The following GNA14 variants were observed in gnomAD, a reference collection of about 807,000 sequenced individuals.
GNA14 encodes G protein subunit alpha 14.
GNA14 carries 50 observed loss-of-function variants against 42.0 expected under a neutral mutation model. That is an observed-to-expected ratio of 1.19 (90% CI 0.95 to 1.51). GNA14 has a LOEUF of 1.51. Ranked by LOEUF, GNA14 falls within the 40% of genes most tolerant of loss-of-function variation. The pLI is 0.00. For missense variants in GNA14, 473 were observed against 446.2 expected (o/e 1.06, Z -0.54); for synonymous variants, 173 against 163.1 (o/e 1.06, Z -0.46).
intron 2 of GNA14, among the ~76,000 whole-genome samples, chr9:77,479,332 T>C (rs1836498130): frequency 6.6e-6 from 1 of 152,224 alleles, no homozygotes; most frequent in Non-Finnish European, 1.5e-5. Flanking sequence ...CAGATGGTTG[T>C]AGATATGCGG....
At chr9:77,575,829 G>A (rs897804416) in intron 1 of GNA14, among the ~76,000 whole-genome samples, 4 of 152,198 alleles carry the variant, frequency 2.6e-5, no homozygotes, top group Non-Finnish European at 5.9e-5. Flanking sequence ...GGCTGAACTT[G>A]GGGATATTTG....
At chr9:77,533,370 G>A (rs1837555540) in intron 1 of GNA14, among the ~76,000 whole-genome samples, 1 of 152,306 alleles carries the variant, frequency 6.6e-6, no homozygotes, top group South Asian at 2.1e-4. Context: ...AGTAGAGACA[G>A]GGTTTCGCCA....
chr9:77,580,283 C>T (rs930557504), intron 1 of GNA14: 4 of 311,202 alleles, frequency 1.3e-5, no homozygotes, highest in African/African-American at 4.3e-5. Context: ...CTGAATCCAG[C>T]TTCATTCAAC....
At chr9:77,454,286 C>A (rs78867597) in intron 2 of GNA14, among the ~76,000 whole-genome samples, 2,561 of 152,326 alleles carry the variant, frequency 0.017, 43 homozygotes, top group Middle Eastern at 0.037. Flanking sequence ...AGATTCTACC[C>A]CTAAACTTGT....
intron 1 of GNA14, among the ~76,000 whole-genome samples, chr9:77,606,501 G>A (rs1379050689): frequency 6.6e-6 from 1 of 152,082 alleles, no homozygotes; most frequent in Non-Finnish European, 1.5e-5. Context: ...GGAAGTGAAT[G>A]GCCATTATCA....
intron 2 of GNA14, among the ~76,000 whole-genome samples, chr9:77,455,402 A>G (rs1004222654): frequency 9.9e-5 from 15 of 152,200 alleles, no homozygotes; most frequent in African/African-American, 2.9e-4. Context: ...ACTTCATTAC[A>G]TCGGGACTTC....
At chr9:77,520,007 T>C (rs1837326066) in intron 2 of GNA14, among the ~76,000 whole-genome samples, 1 of 151,942 alleles carries the variant, frequency 6.6e-6, no homozygotes, top group South Asian at 2.1e-4. Context: ...AGACTCCATC[T>C]CAAGAAAGTA....
At chr9:77,469,283 G>C (rs1462782739) in intron 2 of GNA14, among the ~76,000 whole-genome samples, 1 of 147,526 alleles carries the variant, frequency 6.8e-6, no homozygotes, top group African/African-American at 2.5e-5. Flanking sequence ...GGTGAAGAGA[G>C]AGAATAAATG....
chr9:77,500,469 A>G (rs1321169784), intron 2 of GNA14, among the ~76,000 whole-genome samples: 1 of 152,238 alleles, frequency 6.6e-6, no homozygotes, highest in Non-Finnish European at 1.5e-5. Flanking sequence ...ATTTCCTCCA[A>G]TGGTAACATA....
At chr9:77,553,397 T>C (rs1837809124) in intron 1 of GNA14, among the ~76,000 whole-genome samples, 1 of 152,044 alleles carries the variant, frequency 6.6e-6, no homozygotes, top group Admixed American at 6.6e-5. Flanking sequence ...AGATCAGACC[T>C]ATATGGCACA....
At chr9:77,597,206 G>A (rs1823480163) in intron 1 of GNA14, among the ~76,000 whole-genome samples, 1 of 152,156 alleles carries the variant, frequency 6.6e-6, no homozygotes, top group Admixed American at 6.5e-5. Context: ...ACAGCTATTG[G>A]CAGCACTCCC....
At chr9:77,581,544 C>T (rs1258653938) in intron 1 of GNA14, among the ~76,000 whole-genome samples, 1 of 152,130 alleles carries the variant, frequency 6.6e-6, no homozygotes, top group African/African-American at 2.4e-5. Flanking sequence ...GATCCAAGTC[C>T]GAGACAACTA....
chr9:77,503,934 A>C (rs1260678121), intron 2 of GNA14, among the ~76,000 whole-genome samples: 1 of 152,148 alleles, frequency 6.6e-6, no homozygotes, highest in Non-Finnish European at 1.5e-5. Flanking sequence ...CACCTGCCTC[A>C]GCCTCCAAAG....
intron 3 of GNA14, chr9:77,431,718 C>T (rs1835558356): frequency 6.0e-6 from 2 of 334,852 alleles, no homozygotes; most frequent in African/African-American, 2.1e-5. Flanking sequence ...TAAGCTCTAT[C>T]GCTTCTATTT....
Position 77,477,123 on chromosome 9 carries a change from G to A in GNA14, c.310-42601C>T, listed in dbSNP as rs138355757. Reference sequence around the variant, plus strand: ...TGTAATCCCAGCACTTTCGGAGGCTGAGGCAGGTGGATTGCTTGAGGCCAG... The same window carrying A: ...TGTAATCCCAGCACTTTCGGAGGCTAAGGCAGGTGGATTGCTTGAGGCCAG... On this transcript the variant is annotated intron_variant, in intron 2 of 6. Transcript: ENST00000341700. Among the ~76,000 whole-genome samples, 283 of 152,312 alleles carry A rather than the reference G, an allele frequency of 1.9e-3. 1 individual carries two copies. Among genetic ancestry groups the A allele is most frequent in the African/African-American group, 6.6e-3 (276 of 41,580 alleles).
intron 2 of GNA14, among the ~76,000 whole-genome samples, chr9:77,514,902 T>G (rs1470325483): frequency 3.3e-5 from 5 of 152,158 alleles, no homozygotes; most frequent in African/African-American, 9.7e-5. Context: ...CATGAGCCAC[T>G]GCGCCCAGCC....
intron 2 of GNA14, among the ~76,000 whole-genome samples, chr9:77,437,008 G>A (rs1326244541): frequency 6.6e-6 from 1 of 152,108 alleles, no homozygotes; most frequent in Non-Finnish European, 1.5e-5. Context: ...GCAACGCTTG[G>A]CCAATCTGTA....
intron 1 of GNA14, among the ~76,000 whole-genome samples, chr9:77,604,468 T>A (rs1244966451): frequency 6.6e-6 from 1 of 152,194 alleles, no homozygotes; most frequent in Non-Finnish European, 1.5e-5. Flanking sequence ...CTGTCACTAA[T>A]CCTCTAAGTG....
At chr9:77,428,511 C>G (rs1396122872) in intron 5 of GNA14, among the ~76,000 whole-genome samples, 1 of 152,134 alleles carries the variant, frequency 6.6e-6, no homozygotes, top group East Asian at 1.9e-4. Context: ...AAAATCCCCC[C>G]ACTCAGGCCC....
Sources: gnomAD v4.1 joint callset for allele counts (sites outside exome capture counted in the v4.1 genomes callset) on GRCh38, gnomAD v4.1.1 for gene constraint, MANE v1.5 for transcripts, NCBI Gene and HGNC (gene_info 2026-07-23, HGNC 2026-07-21) for gene names.